TDRD3: variants seen among roughly 807,000 people sequenced by gnomAD.
TDRD3 encodes the protein tudor domain containing 3.
A neutral mutation model predicts 86.7 loss-of-function variants in TDRD3; 45 were observed. That is an observed-to-expected ratio of 0.52 (90% CI 0.41 to 0.67). TDRD3 has a LOEUF of 0.67. Among genes scored for constraint, TDRD3 ranks in the 30% least tolerant of loss-of-function variants. TDRD3 has a pLI of 0.00. For missense variants in TDRD3, 814 were observed against 889.0 expected, an observed-to-expected ratio of 0.92 and a Z score of 1.07; for synonymous variants, 298 against 301.7, an observed-to-expected ratio of 0.99 and a Z score of 0.13.
chr13:60,439,680 T>G lies in TDRD3; in HGVS notation c.42-8T>G. On this transcript the variant is annotated splice_polypyrimidine_tract_variant and splice_region_variant and intron_variant, in intron 1 of 13. Coordinates refer to ENST00000377881, the MANE Select transcript of TDRD3 (RefSeq NM_001146070.2). ...GATAATATTAAGCCATTTATTTTATTTTAACAGGTATCTTTCAGATGAAGG... is the reference window on the plus strand; with the variant it reads ...GATAATATTAAGCCATTTATTTTATGTTAACAGGTATCTTTCAGATGAAGG... The G allele has an allele frequency of 2.6e-6, 4 of 1,528,134 alleles. No individual in the cohort carries two copies. Among genetic ancestry groups the G allele is most frequent in the Non-Finnish European group, 3.5e-6 (4 of 1,139,160 alleles). 94.7% of individuals were successfully genotyped at this position (1,528,134 alleles called of 1,614,324 possible). A position where few individuals can be genotyped will look rare whatever the true frequency, so the allele number is the denominator to read the frequency against.
chr13:60,446,129 G>C (rs1034424281), intron 3 of TDRD3, among the ~76,000 whole-genome samples: 4 of 152,026 alleles, frequency 2.6e-5, no homozygotes, highest in Admixed American at 6.6e-5. Flanking sequence ...TGATATCTCT[G>C]CTTGCTCTTC....
At chr13:60,406,668 G>A (rs1954242123) in intron 1 of TDRD3, among the ~76,000 whole-genome samples, 1 of 152,120 alleles carries the variant, frequency 6.6e-6, no homozygotes, top group Non-Finnish European at 1.5e-5. Flanking sequence ...AAGTCATTGA[G>A]TTTTCTAAGA....
intron 5 of TDRD3, among the ~76,000 whole-genome samples, chr13:60,471,235 GGTCCAAATTCATACTTTTGCAT>G (rs1303447451): frequency 1.3e-5 from 2 of 152,066 alleles, no homozygotes; most frequent in Non-Finnish European, 2.9e-5. Context: ...ATTAGTAAAG[GGTCCAAATTCATACTTTTGCAT>G]GTGAATATCC....
At chr13:60,559,293 A>G (rs1464482129) in intron 12 of TDRD3, among the ~76,000 whole-genome samples, 3 of 152,164 alleles carry the variant, frequency 2.0e-5, no homozygotes, top group African/African-American at 7.2e-5. Flanking sequence ...ATCTAAACCC[A>G]GACTCAGATC....
intron 8 of TDRD3, among the ~76,000 whole-genome samples, chr13:60,501,703 C>T (rs1212341788): frequency 6.6e-6 from 1 of 152,134 alleles, no homozygotes; most frequent in Non-Finnish European, 1.5e-5. Flanking sequence ...ATGCTTAAAC[C>T]TTCTGACTTG....
At chr13:60,523,959 G>A (rs1957347114) in intron 10 of TDRD3, among the ~76,000 whole-genome samples, 1 of 150,890 alleles carries the variant, frequency 6.6e-6, no homozygotes, top group African/African-American at 2.4e-5. Context: ...TTCTACTTGT[G>A]CTTTTTTTTT....
At chr13:60,522,069 T>C (rs955601993) in intron 10 of TDRD3, among the ~76,000 whole-genome samples, 1 of 152,074 alleles carries the variant, frequency 6.6e-6, no homozygotes, top group Admixed American at 6.5e-5. Flanking sequence ...TTCTTAGCAT[T>C]TTTAATATAG....
Position 60,467,253 on chromosome 13 carries a change from T to C in TDRD3, c.369T>C (p.Pro123=). 1 of 1,613,830 alleles carries C rather than the reference T, an allele frequency of 6.2e-7. No homozygotes were observed. The highest frequency in any genetic ancestry group is 1.3e-5 in the African/African-American group (1 of 75,028). Residue 123 remains proline (P), a synonymous_variant, in exon 5 of 14, where the codon CCT becomes CCC. Transcript: ENST00000377881. ...TTTGCTTTAGCCTGAACACACCACC[T>C]GGAACTAAAGTTAAGCTCTCAGGCA... ...YMSKISLNTP[P]GTKVKLSGIV... is the part of the protein sequence containing the mutation.
intron 11 of TDRD3, among the ~76,000 whole-genome samples, chr13:60,532,118 G>T (rs1957596243): frequency 6.6e-6 from 1 of 152,024 alleles, no homozygotes; most frequent in Non-Finnish European, 1.5e-5. Context: ...AATAGCTGTG[G>T]TGAAAAAATT....
chr13:60,485,762 A>T, intron 6 of TDRD3, 37 bp from the exon 7 acceptor site: 2 of 1,474,840 alleles, frequency 1.4e-6, no homozygotes, highest in Non-Finnish European at 1.8e-6. Flanking sequence ...TCTCTTTTGG[A>T]ACTACTAAGT....
intron 1 of TDRD3, among the ~76,000 whole-genome samples, chr13:60,432,709 A>T (rs1361903770): frequency 2.0e-5 from 3 of 152,194 alleles, no homozygotes; most frequent in African/African-American, 7.2e-5. Flanking sequence ...AGTTACTTCC[A>T]TATTTGCTAA....
At chr13:60,486,062 T>G (rs1035364297) in intron 7 of TDRD3, 114 bp downstream of exon 7, 6 of 1,074,920 alleles carry the variant, frequency 5.6e-6, no homozygotes, top group Non-Finnish European at 7.4e-6. Flanking sequence ...ACGCTTAACC[T>G]TATTCTTCTT....
intron 12 of TDRD3, chr13:60,537,880 A>G (rs1174273963): frequency 6.6e-6 from 1 of 152,068 alleles, no homozygotes; most frequent in Non-Finnish European, 1.5e-5. Flanking sequence ...CATTTAGTGA[A>G]GATTTTTTTA....
chr13:60,468,467 A>G (rs1955998270), intron 5 of TDRD3, among the ~76,000 whole-genome samples: 1 of 152,034 alleles, frequency 6.6e-6, no homozygotes, highest in Admixed American at 6.6e-5. Flanking sequence ...ATTGCTTTTT[A>G]CCTAGCACTA....
At chr13:60,402,691 C>CTT (rs35984156) in intron 1 of TDRD3, among the ~76,000 whole-genome samples, 520 of 73,174 alleles carry the variant, frequency 7.1e-3, no homozygotes, top group East Asian at 0.021. Context: ...AAACCAATTG[C>CTT]TTTTTTTTTT....
At chr13:60,470,590 G>GTT (rs71092676) in intron 5 of TDRD3, among the ~76,000 whole-genome samples, 1 of 93,504 alleles carries the variant, frequency 1.1e-5, no homozygotes, top group African/African-American at 3.8e-5. Flanking sequence ...TTATAGTTGG[G>GTT]TTTTTTTTTT....
chr13:60,471,083 T>A (rs1005638474), intron 5 of TDRD3, among the ~76,000 whole-genome samples: 3 of 152,202 alleles, frequency 2.0e-5, no homozygotes, highest in Non-Finnish European at 4.4e-5. Flanking sequence ...TAACATAATA[T>A]GTTTTGCAAA....
intron 10 of TDRD3, among the ~76,000 whole-genome samples, chr13:60,516,788 T>G (rs1237545728): frequency 6.6e-6 from 1 of 152,194 alleles, no homozygotes; most frequent in Admixed American, 6.5e-5. Context: ...ATTTCCACCT[T>G]CACTGCCCTA....
At chr13:60,488,939 A>G (rs1039880870) in intron 7 of TDRD3, among the ~76,000 whole-genome samples, 6 of 152,022 alleles carry the variant, frequency 3.9e-5, no homozygotes, top group African/African-American at 1.4e-4. Context: ...TGTTCCTTAT[A>G]TATTCTAGAT....
Sources: gnomAD v4.1 joint callset for allele counts (sites outside exome capture counted in the v4.1 genomes callset) on GRCh38, gnomAD v4.1.1 for gene constraint, MANE v1.5 for transcripts, NCBI Gene and HGNC (gene_info 2026-07-23, HGNC 2026-07-21) for gene names.